The following SLC39A12 variants were observed in gnomAD, a reference collection of about 807,000 sequenced individuals.
The protein encoded by SLC39A12 is solute carrier family 39 member 12, also known as zinc transporter ZIP12.
Under a neutral mutation model 71.1 loss-of-function variants are expected in SLC39A12, and 63 were observed. The ratio of observed to expected loss-of-function variants is 0.89; its 90% confidence interval spans 0.72 to 1.09. SLC39A12 has a LOEUF of 1.09. Ranked by LOEUF, SLC39A12 falls within the 50% of genes least tolerant of loss-of-function variation. The pLI is 0.00. For missense variants in SLC39A12, 892 were observed against 812.6 expected, an observed-to-expected ratio of 1.10 and a Z score of -1.19; for synonymous variants, 351 against 301.3, an observed-to-expected ratio of 1.16 and a Z score of -1.71.
rs994720172 is a variant in SLC39A12, at chr10:17,961,850, T to C, written c.531T>C (p.Thr177=). ...CTTTCACCAGGCAGTACTTTGACAC[T>C]TCTCAAAGCCAGGTAAGAAGGCAAA... The part of the protein sequence containing the change: ...ILAFTRQYFD[T]SQSQCMETKT... Residue 177 remains threonine (T), a synonymous_variant, in exon 3 of 13, where the codon ACT becomes ACC. Coordinates refer to ENST00000377369, the MANE Select transcript of SLC39A12 (RefSeq NM_001145195.2). 6.2e-7 allele frequency: 1 copy of C among 1,612,552 alleles called. No individual in the cohort carries two copies. The highest frequency in any genetic ancestry group is 1.3e-5 in the African/African-American group (1 of 74,932).
Position 17,971,258 on chromosome 10 carries a change from GCCCC to G in SLC39A12, c.751+5569_751+5572del, listed in dbSNP as rs1834965509. 7.1e-3 allele frequency among the ~76,000 whole-genome samples: 404 copies of G among 56,626 alleles called. 6 individuals are homozygous for G. The highest frequency in any genetic ancestry group is 0.027 in the African/African-American group (391 of 14,584). 37.1% of individuals were successfully genotyped at this position (56,626 alleles called of 152,430 possible). A position where few individuals can be genotyped will look rare whatever the true frequency, so the allele number is the denominator to read the frequency against. On this transcript the variant is annotated intron_variant, in intron 4 of 12. Coordinates refer to ENST00000377369, the MANE Select transcript of SLC39A12 (RefSeq NM_001145195.2). Reference sequence around the variant, plus strand: ...CACTGTTCATCAGAGATATTGGCCTGCCCCTCCCCTCCCCTCCCCTCCCCTCCCC... The same window carrying G: ...CACTGTTCATCAGAGATATTGGCCTGTCCCCTCCCCTCCCCTCCCCTCCCC...
At chr10:18,012,596 C>T (rs113888149) in intron 12 of SLC39A12, among the ~76,000 whole-genome samples, 9,012 of 152,144 alleles carry the variant, frequency 0.059, 397 homozygotes, top group East Asian at 0.23. Flanking sequence ...TGGCTGGGTG[C>T]GGTGGCTCGC....
chr10:17,958,123 G>A (rs782262611), intron 2 of SLC39A12, among the ~76,000 whole-genome samples: 1 of 152,144 alleles, frequency 6.6e-6, no homozygotes, highest in Non-Finnish European at 1.5e-5. Flanking sequence ...CCTGCTCTCT[G>A]CTGTTCCGTG....
intron 6 of SLC39A12, among the ~76,000 whole-genome samples, 195 bp from the exon 7 acceptor site, chr10:17,987,284 A>G (rs545922543): frequency 6.6e-6 from 1 of 152,288 alleles, no homozygotes; most frequent in East Asian, 1.9e-4. Flanking sequence ...ACAGAGAGCT[A>G]TGATAGTGCC....
At position 17,974,048 on chromosome 10, in the gene SLC39A12, T is replaced by A. The variant is rs936512650; in HGVS notation, c.752-3854T>A. ...CCAGTTGCATTTTTTAGCTCCAGAA[T>A]TTTTTAAATTATTTTTAAATTATTT... is the stretch of plus-strand genomic sequence containing the variant. On this transcript the variant is annotated intron_variant, in intron 4 of 12. Coordinates refer to ENST00000377369, the MANE Select transcript of SLC39A12 (RefSeq NM_001145195.2). Among the ~76,000 whole-genome samples, 11 of 151,534 alleles carry A rather than the reference T, an allele frequency of 7.3e-5. 1 individual carries two copies. The highest frequency in any genetic ancestry group is 2.7e-4 in the African/African-American group (11 of 41,418).
At chr10:18,007,931 G>A (rs1223099825) in intron 12 of SLC39A12, among the ~76,000 whole-genome samples, 3 of 152,174 alleles carry the variant, frequency 2.0e-5, no homozygotes, top group African/African-American at 7.2e-5. Context: ...AGCCCAGTAG[G>A]CCTCAGCCTC....
chr10:17,957,171 A>G (rs1834572271), intron 2 of SLC39A12, among the ~76,000 whole-genome samples: 1 of 152,208 alleles, frequency 6.6e-6, no homozygotes, highest in South Asian at 2.1e-4. Flanking sequence ...TGGAGGCCTG[A>G]CAGCTGTCTT....
chr10:18,042,290 C>T (rs1182161358), intron 12 of SLC39A12, among the ~76,000 whole-genome samples: 1 of 151,772 alleles, frequency 6.6e-6, no homozygotes, highest in African/African-American at 2.4e-5. Flanking sequence ...CCTGCCTGGG[C>T]AATACAGGGA....
At chr10:17,967,151 A>G (rs1003522375) in intron 4 of SLC39A12, among the ~76,000 whole-genome samples, 2 of 152,178 alleles carry the variant, frequency 1.3e-5, no homozygotes, top group East Asian at 3.9e-4. Flanking sequence ...TTTGTTGAAA[A>G]ACAAAGGGGG....
In SLC39A12 at chr10:17,995,658, A is replaced by C. The variant is rs1835664479; in HGVS notation, c.1536A>C (p.Lys512Asn). The C allele has an allele frequency of 6.2e-7, 1 of 1,611,158 alleles. No individual in the cohort carries two copies. Among genetic ancestry groups the C allele is most frequent in the Non-Finnish European group, 8.5e-7 (1 of 1,179,130 alleles). ...AGTTATTTTTTAATTTAAAATAGAA[A>C]AGCCCAGAAGATTCACAGGCAGCTG... The part of the protein sequence containing the change: ...RGKSASTIQL[K>N]SPEDSQAAEM... The change falls in exon 10 of 13, where the codon AAA becomes AAC. Residue 512 changes from lysine (K) to asparagine (N), a missense_variant and splice_region_variant. Transcript: ENST00000377369.
chr10:18,002,898 A>G, intron 11 of SLC39A12: 1 of 286,240 alleles, frequency 3.5e-6, no homozygotes. Flanking sequence ...GAGGATATCA[A>G]GAACTCAAGA....
At chr10:17,958,396 G>A (rs546792861) in intron 2 of SLC39A12, among the ~76,000 whole-genome samples, 1 of 152,166 alleles carries the variant, frequency 6.6e-6, no homozygotes, top group Admixed American at 6.5e-5. Context: ...CTCATTCAAC[G>A]CTCTCGTTGT....
chr10:18,036,293 CA>C (rs1458608734), intron 12 of SLC39A12, among the ~76,000 whole-genome samples: 1 of 152,146 alleles, frequency 6.6e-6, no homozygotes, highest in African/African-American at 2.4e-5. Context: ...TGCCAGTAAT[CA>C]GTGAGACTCC....
In SLC39A12 at chr10:18,027,204, T is replaced by C. The variant is rs187393839; in HGVS notation, c.1948-15501T>C. The stretch of plus-strand genomic sequence containing the variant: ...CCTTTGGTAGATCTCAGTCTTTCAG[T>C]GAGCTTGTGCCCTTGGACTATGAAC... On this transcript the variant is annotated intron_variant, in intron 12 of 12. Coordinates refer to ENST00000377369, the MANE Select transcript of SLC39A12 (RefSeq NM_001145195.2). Among the ~76,000 whole-genome samples, 35 of 152,336 alleles carry C rather than the reference T, an allele frequency of 2.3e-4. 2 individuals are homozygous for C. Among genetic ancestry groups the C allele is most frequent in the Admixed American group, 2.3e-3 (35 of 15,296 alleles).
chr10:17,997,296 A>G (rs1835715822), intron 10 of SLC39A12, among the ~76,000 whole-genome samples: 1 of 152,230 alleles, frequency 6.6e-6, no homozygotes. Context: ...CTAAGACCAA[A>G]CACCATTATA....
intron 4 of SLC39A12, among the ~76,000 whole-genome samples, chr10:17,970,552 G>A (rs115557536): frequency 2.2e-3 from 332 of 152,018 alleles, no homozygotes; most frequent in African/African-American, 7.5e-3. Context: ...TATTGTAAAT[G>A]GGATTACATT....
intron 12 of SLC39A12, among the ~76,000 whole-genome samples, chr10:18,008,004 A>G (rs532903297): frequency 6.8e-4 from 104 of 152,324 alleles, no homozygotes; most frequent in African/African-American, 2.5e-3. Flanking sequence ...CATAATCACT[A>G]ACAATTACTC....
At chr10:18,026,982 C>T (rs1378797112) in intron 12 of SLC39A12, among the ~76,000 whole-genome samples, 1 of 152,036 alleles carries the variant, frequency 6.6e-6, no homozygotes, top group Non-Finnish European at 1.5e-5. Context: ...ACTCCTGATC[C>T]AATCATTTCA....
chr10:17,985,628 A>G (rs150158734), intron 6 of SLC39A12, among the ~76,000 whole-genome samples: 1 of 152,266 alleles, frequency 6.6e-6, no homozygotes, highest in African/African-American at 2.4e-5. Context: ...CTAAATAGGT[A>G]GAGAAATAAG....
Sources: allele counts gnomAD v4.1 joint callset (sites outside exome capture counted in the v4.1 genomes callset), GRCh38; gene constraint gnomAD v4.1.1; transcripts MANE v1.5; gene names NCBI Gene and HGNC (gene_info 2026-07-23, HGNC 2026-07-21).